Variants in NAALADL2 observed in about 807,000 individuals in gnomAD.
NAALADL2 encodes inactive N-acetylated-alpha-linked acidic dipeptidase-like protein 2.
Under a neutral mutation model 87.2 loss-of-function variants are expected in NAALADL2, and 76 were observed. The ratio of observed to expected loss-of-function variants is 0.87; its 90% CI spans 0.72 to 1.05. NAALADL2 has a LOEUF of 1.05. Ranked by LOEUF, NAALADL2 falls within the 50% of genes least tolerant of loss-of-function variation. The pLI is 0.00. For missense variants in NAALADL2, 1,089 were observed against 945.8 expected, an observed-to-expected ratio of 1.15 and a Z score of -1.99; for synonymous variants, 354 against 331.0, an observed-to-expected ratio of 1.07 and a Z score of -0.75.
intron 13 of NAALADL2, among the ~76,000 whole-genome samples, chr3:175,780,605 A>G (rs1197388930): frequency 6.6e-6 from 1 of 152,210 alleles, no homozygotes; most frequent in Non-Finnish European, 1.5e-5. Flanking sequence ...TTTATCCTCA[A>G]AGCCTTTATT....
At chr3:174,882,563 A>G (rs1356434536) in intron 1 of NAALADL2, among the ~76,000 whole-genome samples, 1 of 148,554 alleles carries the variant, frequency 6.7e-6, no homozygotes, top group African/African-American at 2.5e-5. Context: ...ATATGTGTAT[A>G]TATACATATG....
chr3:175,127,594 T>C (rs904914404), intron 2 of NAALADL2, among the ~76,000 whole-genome samples: 1 of 152,234 alleles, frequency 6.6e-6, no homozygotes, highest in Non-Finnish European at 1.5e-5. Context: ...TCATCTTAAT[T>C]ACACATTTTG....
chr3:175,181,789 G>GTGTATATATA lies in NAALADL2; in HGVS notation c.546-52139_546-52138insATATATATGT, dbSNP rs1291826648. ...TATGTGTGTATATATGTATATATAT[G>GTGTATATATA]TGTGTGTGTATATATATGTATATAT... On this transcript the variant is annotated intron_variant, in intron 2 of 13. Transcript: ENST00000454872. Among the ~76,000 whole-genome samples, 205 of 138,610 alleles carry GTGTATATATA rather than the reference G, an allele frequency of 1.5e-3. 1 individual carries two copies. Among genetic ancestry groups the GTGTATATATA allele is most frequent in the African/African-American group, 5.5e-3 (187 of 33,866 alleles). 90.9% of individuals were successfully genotyped at this position (138,610 alleles called of 152,430 possible).
intron 3 of NAALADL2, chr3:175,235,360 C>A (rs1335553949): frequency 6.6e-6 from 1 of 152,104 alleles, no homozygotes; most frequent in Non-Finnish European, 1.5e-5. Flanking sequence ...AGCCAAAGAG[C>A]TGCATATAAC....
chr3:175,023,500 A>G (rs1306461983), intron 1 of NAALADL2, among the ~76,000 whole-genome samples: 1 of 152,072 alleles, frequency 6.6e-6, no homozygotes, highest in Non-Finnish European at 1.5e-5. Context: ...GAAAATAAGA[A>G]ACATCTTTGG....
intron 6 of NAALADL2, among the ~76,000 whole-genome samples, chr3:175,461,126 G>C (rs559098860): frequency 2.6e-5 from 4 of 152,030 alleles, no homozygotes; most frequent in Non-Finnish European, 5.9e-5. Context: ...GCTGATTGGT[G>C]CATTTACAAT....
At chr3:174,702,983 CAA>C (rs1474820679) in intron 2 of NAALADL2, among the ~76,000 whole-genome samples, 1 of 152,000 alleles carries the variant, frequency 6.6e-6, no homozygotes, top group African/African-American at 2.4e-5. Flanking sequence ...GGAAAGAAAA[CAA>C]AGAGCTGAAA....
chr3:175,130,135 C>A (rs1352384666), intron 2 of NAALADL2, among the ~76,000 whole-genome samples: 1 of 152,044 alleles, frequency 6.6e-6, no homozygotes, highest in Non-Finnish European at 1.5e-5. Context: ...AAGGTTTCTT[C>A]CCCATTTTTA....
intron 3 of NAALADL2, among the ~76,000 whole-genome samples, chr3:174,831,456 G>T (rs902488562): frequency 7.1e-6 from 1 of 140,616 alleles, no homozygotes; most frequent in African/African-American, 2.8e-5. Context: ...CAGGGATGAA[G>T]CCCACTTGAT....
chr3:175,315,797 G>T (rs1759067787), intron 4 of NAALADL2, among the ~76,000 whole-genome samples: 1 of 152,124 alleles, frequency 6.6e-6, no homozygotes, highest in South Asian at 2.1e-4. Context: ...GTGGCTAAAA[G>T]AAGTTTAATA....
At chr3:175,025,197 G>A (rs1369959111) in intron 1 of NAALADL2, among the ~76,000 whole-genome samples, 1 of 152,002 alleles carries the variant, frequency 6.6e-6, no homozygotes, top group Non-Finnish European at 1.5e-5. Context: ...CTAAAGTCTA[G>A]GTGTGACAAG....
chr3:174,853,508 G>A lies in NAALADL2; in HGVS notation c.-9+115762G>A, dbSNP rs1277198589. On this transcript the variant is annotated intron_variant, in intron 3 of 3. Transcript: ENST00000434257. ...TCATGACTAAAACCTCAAAAGCGGA[G>A]GCAACCAAAGCAAAAGTAGACAAAT... Among the ~76,000 whole-genome samples the A allele has an allele frequency of 2.0e-5, 3 of 151,878 alleles. No homozygotes were observed. In the East Asian group the frequency reaches 5.8e-4, roughly 29 times the overall value.
intron 2 of NAALADL2, among the ~76,000 whole-genome samples, chr3:175,143,718 A>T (rs1426402396): frequency 6.6e-6 from 1 of 151,934 alleles, no homozygotes; most frequent in Non-Finnish European, 1.5e-5. Context: ...ATTGTCTGGC[A>T]CATGGAAGGC....
intron 11 of NAALADL2, among the ~76,000 whole-genome samples, chr3:175,715,528 T>C (rs540668675): frequency 6.6e-6 from 1 of 152,290 alleles, no homozygotes; most frequent in East Asian, 1.9e-4. Context: ...TGTTACCTGA[T>C]GATAATTGAT....
At chr3:175,019,597 C>T (rs1037569416) in intron 1 of NAALADL2, among the ~76,000 whole-genome samples, 5 of 151,904 alleles carry the variant, frequency 3.3e-5, no homozygotes, top group Admixed American at 2.0e-4. Flanking sequence ...CCAAATGGTA[C>T]AAACCTAAGT....
intron 1 of NAALADL2, among the ~76,000 whole-genome samples, chr3:174,925,986 A>T (rs1027097894): frequency 6.6e-6 from 1 of 152,176 alleles, no homozygotes; most frequent in Non-Finnish European, 1.5e-5. Flanking sequence ...GGCTAACTAG[A>T]ATAACCAGTG....
chr3:175,768,041 A>G (rs1748972320), intron 13 of NAALADL2, among the ~76,000 whole-genome samples: 1 of 152,136 alleles, frequency 6.6e-6, no homozygotes, highest in Admixed American at 6.6e-5. Context: ...CTGGATCTTA[A>G]AAGAACCGGG....
intron 5 of NAALADL2, among the ~76,000 whole-genome samples, chr3:175,387,600 A>C (rs1465404702): frequency 1.3e-5 from 2 of 152,132 alleles, no homozygotes; most frequent in South Asian, 4.1e-4. Flanking sequence ...GTTAAACCAA[A>C]ACCATGTGTA....
chr3:174,548,841 T>C (rs1043504856), intron 1 of NAALADL2, among the ~76,000 whole-genome samples: 1 of 152,120 alleles, frequency 6.6e-6, no homozygotes, highest in African/African-American at 2.4e-5. Flanking sequence ...ATATATATTT[T>C]ATTATTATTA....
Sources: allele counts gnomAD v4.1 joint callset (sites outside exome capture counted in the v4.1 genomes callset), GRCh38; gene constraint gnomAD v4.1.1; transcripts MANE v1.5; gene names NCBI Gene and HGNC (gene_info 2026-07-23, HGNC 2026-07-21).